DCHS2: variants seen among roughly 807,000 people sequenced by gnomAD.
DCHS2 encodes the protein dachsous cadherin-related 2.
DCHS2 carries 142 observed loss-of-function variants against 182.4 expected under a neutral mutation model. That is an observed-to-expected ratio of 0.78 (90% CI 0.68 to 0.89). The LOEUF is 0.89. Among genes scored for constraint, DCHS2 ranks in the 40% least tolerant of loss-of-function variants. The pLI is 0.00. For missense variants in DCHS2, 4,319 were observed against 4,198.6 expected, an observed-to-expected ratio of 1.03 and a Z score of -0.79; for synonymous variants, 1,740 against 1,663.3, an observed-to-expected ratio of 1.05 and a Z score of -1.12.
At chr4:154,249,229 A>T (rs1387461345) in intron 16 of DCHS2, among the ~76,000 whole-genome samples, 1 of 152,182 alleles carries the variant, frequency 6.6e-6, no homozygotes, top group Non-Finnish European at 1.5e-5. Context: ...AGGAACTTAA[A>T]TCAACAAGCA....
At chr4:154,362,338 A>G (rs944381626) in intron 3 of DCHS2, among the ~76,000 whole-genome samples, 11 of 152,194 alleles carry the variant, frequency 7.2e-5, no homozygotes, top group Non-Finnish European at 1.5e-4. Flanking sequence ...GATTTTAAAT[A>G]AAGTTTTGCT....
Position 154,366,824 on chromosome 4 carries a change from C to T in DCHS2, c.2245-383G>A, listed in dbSNP as rs1034473095. Among the ~76,000 whole-genome samples the T allele has an allele frequency of 2.0e-5, 3 of 152,176 alleles. No individual in the cohort carries two copies. In the South Asian group the frequency reaches 6.2e-4, roughly 32 times the overall value. ...AAAATTTCAGAGTAGAGGCCAAATA[C>T]ATTCAAGGAAATTTGTCCTGATGTC... On this transcript the variant is annotated intron_variant, in intron 2 of 19. Transcript: ENST00000357232.
At chr4:154,262,245 G>A (rs1472517806) in intron 14 of DCHS2, 14 of 152,240 alleles carry the variant, frequency 9.2e-5, no homozygotes. Flanking sequence ...TTCCTTGCAT[G>A]GTTTTTATTT....
intron 3 of DCHS2, among the ~76,000 whole-genome samples, chr4:154,337,695 T>A (rs1728874267): frequency 6.6e-6 from 1 of 152,060 alleles, no homozygotes; most frequent in Admixed American, 6.6e-5. Flanking sequence ...CAGAACAACT[T>A]CTTCATCTTC....
intron 1 of DCHS2, among the ~76,000 whole-genome samples, chr4:154,454,476 C>T (rs773885901): frequency 2.6e-4 from 39 of 151,982 alleles, no homozygotes; most frequent in Admixed American, 2.0e-4. Flanking sequence ...ACCTATTAAC[C>T]CCAAATTAAA....
intron 1 of DCHS2, among the ~76,000 whole-genome samples, chr4:154,399,464 T>C (rs183049443): frequency 3.9e-5 from 6 of 152,242 alleles, no homozygotes; most frequent in African/African-American, 9.6e-5. Flanking sequence ...CCAACAACGA[T>C]GTGTTGAGGC....
intron 1 of DCHS2, among the ~76,000 whole-genome samples, chr4:154,472,578 C>T (rs530410514): frequency 3.3e-4 from 50 of 152,296 alleles, no homozygotes; most frequent in African/African-American, 1.1e-3. Context: ...TTCATTAAGA[C>T]TAACTGCAAG....
At chr4:154,328,045 AG>A in intron 7 of DCHS2, 47 bp downstream of exon 7, 1 of 1,355,996 alleles carries the variant, frequency 7.4e-7, no homozygotes, top group Non-Finnish European at 1.0e-6. Context: ...GATAAATGAA[AG>A]CAGAAATCCT....
At chr4:154,273,018 G>A (rs764988490) in intron 13 of DCHS2, among the ~76,000 whole-genome samples, 19 of 152,102 alleles carry the variant, frequency 1.2e-4, no homozygotes, top group Non-Finnish European at 2.6e-4. Context: ...CTAGTACGAC[G>A]ACTATGGAAA....
Position 154,490,935 on chromosome 4 carries a change from A to T in DCHS2, c.421T>A (p.Phe141Ile). 1 of 1,550,938 alleles carries T rather than the reference A, an allele frequency of 6.4e-7. No individual in the cohort carries two copies. The highest frequency in any genetic ancestry group is 8.7e-7 in the Non-Finnish European group (1 of 1,146,796). ...GCGCCCAGCAGCGTGGCGGCGACGA[A>T]GCTGTAGTGGTCCCGCCGCTCGCGG... The part of the protein sequence containing the change: ...LDRERRDHYS[F>I]VAATLLGAVV... The change falls in exon 1 of 20, where the codon TTC (phenylalanine) becomes ATC (isoleucine). Residue 141 changes from phenylalanine (F) to isoleucine (I), a missense_variant. Transcript: ENST00000357232.
intron 2 of DCHS2, among the ~76,000 whole-genome samples, chr4:154,373,599 C>G (rs900786058): frequency 2.0e-5 from 3 of 152,126 alleles, no homozygotes; most frequent in African/African-American, 7.2e-5. Context: ...TGTGGAGGCT[C>G]TTCTAGAATT....
At chr4:154,266,322 GGTTTT>G (rs775404739) in intron 14 of DCHS2, among the ~76,000 whole-genome samples, 133 of 113,402 alleles carry the variant, frequency 1.2e-3, no homozygotes, top group Non-Finnish European at 1.8e-3. Context: ...GAGTTGCAGG[GGTTTT>G]TTTTTTGTTG....
chr4:154,306,419 A>G (rs1033735879), intron 10 of DCHS2, among the ~76,000 whole-genome samples: 1 of 152,146 alleles, frequency 6.6e-6, no homozygotes, highest in Non-Finnish European at 1.5e-5. Flanking sequence ...CTTAAGGATC[A>G]TATAATCTAT....
Position 154,333,448 on chromosome 4 carries a change from G to A in DCHS2, c.2760C>T (p.Gly920=). ...IFYRISSGDL[G]GKFSIHPRLG... is the part of the protein sequence containing the mutation. ...GCCGCGGGTGAATGGAGAACTTTCC[G>A]CCGAGATCACCAGAAGAAATCCTGT... Residue 920 remains glycine, a synonymous_variant, in exon 5 of 20, where the codon GGC becomes GGT. Transcript: ENST00000357232. The A allele has an allele frequency of 6.2e-7, 1 of 1,613,908 alleles. No homozygotes were observed. Among genetic ancestry groups the A allele is most frequent in the East Asian group, 2.2e-5 (1 of 44,864 alleles).
In DCHS2 at chr4:154,410,705, T is replaced by C. The variant is rs530720924; in HGVS notation, c.2053-33261A>G. Among the ~76,000 whole-genome samples the C allele has an allele frequency of 3.9e-5, 6 of 152,132 alleles. No individual in the cohort carries two copies. In the South Asian group the frequency reaches 1.2e-3, roughly 32 times the overall value. ...GAAAAAGATAGGGACAGAAGCTTAT[T>C]TAATGAAATAATTCCCAGAAGTTTC... On this transcript the variant is annotated intron_variant, in intron 1 of 19. Coordinates refer to ENST00000357232, the MANE Select transcript of DCHS2 (RefSeq NM_001358235.2).
At chr4:154,251,342 T>G (rs1025764032) in intron 16 of DCHS2, among the ~76,000 whole-genome samples, 1 of 152,230 alleles carries the variant, frequency 6.6e-6, no homozygotes, top group Non-Finnish European at 1.5e-5. Flanking sequence ...TACCATGTAC[T>G]AGCTTCGGAT....
At chr4:154,293,823 C>T (rs751570806) in intron 13 of DCHS2, among the ~76,000 whole-genome samples, 1 of 152,210 alleles carries the variant, frequency 6.6e-6, no homozygotes, top group Non-Finnish European at 1.5e-5. Flanking sequence ...AGGCTCTGTG[C>T]ACGCTGCTCT....
chr4:154,282,344 C>T (rs1278354428), intron 13 of DCHS2, among the ~76,000 whole-genome samples: 1 of 151,796 alleles, frequency 6.6e-6, no homozygotes, highest in Non-Finnish European at 1.5e-5. Flanking sequence ...AGAACAAAAG[C>T]AAATAACCTG....
At chr4:154,339,745 C>T (rs1377270535) in intron 3 of DCHS2, among the ~76,000 whole-genome samples, 1 of 151,940 alleles carries the variant, frequency 6.6e-6, no homozygotes, top group Non-Finnish European at 1.5e-5. Flanking sequence ...CCGCGCCCAG[C>T]CAAACATTTT....
Sources: allele counts gnomAD v4.1 joint callset (sites outside exome capture counted in the v4.1 genomes callset), GRCh38; gene constraint gnomAD v4.1.1; transcripts MANE v1.5; gene names NCBI Gene and HGNC (gene_info 2026-07-23, HGNC 2026-07-21).